DCHS2: variants seen among roughly 807,000 people sequenced by gnomAD.
The protein encoded by DCHS2 is dachsous cadherin-related 2, also known as protocadherin-23.
DCHS2 carries 142 observed loss-of-function variants against 182.4 expected under a neutral mutation model. The ratio of observed to expected loss-of-function variants is 0.78; its 90% CI spans 0.68 to 0.89. The LOEUF is 0.89. Among genes scored for constraint, DCHS2 ranks in the 40% least tolerant of loss-of-function variants. DCHS2 has a pLI of 0.00. For missense variants in DCHS2, 4,319 were observed against 4,198.6 expected (o/e 1.03, Z -0.79); for synonymous variants, 1,740 against 1,663.3 (o/e 1.05, Z -1.12).
At chr4:154,385,194 A>G (rs1040857869) in intron 1 of DCHS2, among the ~76,000 whole-genome samples, 2 of 150,484 alleles carry the variant, frequency 1.3e-5, no homozygotes, top group Non-Finnish European at 2.9e-5. Flanking sequence ...TGTCCTTGCA[A>G]TAGTTTGCTG....
At chr4:154,323,160 C>T (rs1343850919) in intron 7 of DCHS2, 1 of 1,518,010 alleles carries the variant, frequency 6.6e-7, no homozygotes, top group African/African-American at 1.4e-5. Context: ...TGTTGCATCT[C>T]CAACGTGTAG....
intron 1 of DCHS2, among the ~76,000 whole-genome samples, chr4:154,454,179 C>G (rs1354495472): frequency 6.6e-6 from 1 of 152,058 alleles, no homozygotes; most frequent in Admixed American, 6.6e-5. Flanking sequence ...TATCGATGTA[C>G]TCAGCATAAC....
intron 2 of DCHS2, among the ~76,000 whole-genome samples, chr4:154,367,327 G>A (rs553867501): frequency 9.9e-5 from 15 of 152,262 alleles, no homozygotes; most frequent in African/African-American, 3.4e-4. Context: ...GCAGGAGGAG[G>A]CTCTTTGAAT....
intron 18 of DCHS2, among the ~76,000 whole-genome samples, chr4:154,239,508 G>T (rs1731700070): frequency 6.6e-6 from 1 of 152,076 alleles, no homozygotes; most frequent in Admixed American, 6.6e-5. Flanking sequence ...AAAAGGTGTT[G>T]TTTTGTTTTG....
chr4:154,443,860 A>G (rs1734138857), intron 1 of DCHS2, among the ~76,000 whole-genome samples: 1 of 152,198 alleles, frequency 6.6e-6, no homozygotes, highest in Non-Finnish European at 1.5e-5. Flanking sequence ...ATTCCACTCC[A>G]TTAAAACTGC....
chr4:154,242,046 A>G (rs1305607017), intron 17 of DCHS2, among the ~76,000 whole-genome samples: 1 of 152,172 alleles, frequency 6.6e-6, no homozygotes, highest in Admixed American at 6.6e-5. Flanking sequence ...TGTTTCCCCA[A>G]CGCAGCCATT....
chr4:154,254,283 G>C (rs1010825957), intron 16 of DCHS2, among the ~76,000 whole-genome samples: 1 of 152,076 alleles, frequency 6.6e-6, no homozygotes, highest in Non-Finnish European at 1.5e-5. Context: ...TAAGGTGAAC[G>C]GTTTCTTATA....
chr4:154,288,223 G>A (rs753711547), intron 13 of DCHS2, among the ~76,000 whole-genome samples: 1 of 151,868 alleles, frequency 6.6e-6, no homozygotes, highest in Non-Finnish European at 1.5e-5. Flanking sequence ...AAAATAAAGA[G>A]CTGGAAAAAG....
chr4:154,238,837 C>A (rs769440071), intron 19 of DCHS2, among the ~76,000 whole-genome samples: 21 of 152,234 alleles, frequency 1.4e-4, no homozygotes, highest in Non-Finnish European at 2.5e-4. Flanking sequence ...CATTTTGATT[C>A]TTGCTGAATC....
In DCHS2 at chr4:154,240,590, G is replaced by A. The variant is rs199864808; in HGVS notation, c.7306C>T (p.Arg2436Cys). 1.7e-5 allele frequency: 27 copies of A among 1,613,546 alleles called. No homozygotes were observed. The highest frequency in any genetic ancestry group is 6.7e-5 in the East Asian group (3 of 44,820). ...GGATTATCATTGACATCCAGCACAC[G>A]GACTACAAGTGCTCCCTCTGTGTAG... ...VHYTEGALVV[R>C]VLDVNDNPPV... Residue 2436 changes from arginine (R) to cysteine (C), a missense_variant, in exon 18 of 20, where the codon CGT becomes TGT. Arg to Cys is a radical substitution (Grantham distance 180, BLOSUM62 -3). Coordinates refer to ENST00000357232, the MANE Select transcript of DCHS2 (RefSeq NM_001358235.2).
intron 3 of DCHS2, among the ~76,000 whole-genome samples, chr4:154,356,235 T>A (rs1561064515): frequency 1.3e-5 from 2 of 152,062 alleles, no homozygotes; most frequent in Non-Finnish European, 2.9e-5. Context: ...TAAAAAAAAT[T>A]AAAAACAAAG....
intron 8 of DCHS2, 84 bp downstream of exon 8, chr4:154,322,247 C>T: frequency 6.7e-7 from 1 of 1,493,456 alleles, no homozygotes; most frequent in Non-Finnish European, 9.2e-7. Context: ...ATACATATTA[C>T]ATGTATCTTC....
chr4:154,333,387 C>T lies in DCHS2; in HGVS notation c.2821G>A (p.Glu941Lys), dbSNP rs777344874. 3 of 1,614,096 alleles carry T rather than the reference C, an allele frequency of 1.9e-6. No homozygotes were observed. Among genetic ancestry groups the T allele is most frequent in the Non-Finnish European group, 2.5e-6 (3 of 1,180,026 alleles). Residue 941 changes from glutamate (E) to lysine (K), a missense_variant, in exon 5 of 20, where the codon GAG (glutamate) becomes AAG (lysine). By Grantham distance (56) the Glu-to-Lys change is moderately conservative. Transcript: ENST00000357232. ...TIRTRKPLDH[E>K]TQPVVVLTVQ... ...GTGAGCACAACCACGGGCTGCGTCT[C>T]GTGATCCAGGGGCTTCCGGGTGCGA...
intron 13 of DCHS2, among the ~76,000 whole-genome samples, chr4:154,288,104 A>G (rs1019381490): frequency 5.3e-5 from 8 of 152,120 alleles, no homozygotes; most frequent in Non-Finnish European, 8.8e-5. Flanking sequence ...TAACTGGACT[A>G]AACTCCCCAA....
intron 7 of DCHS2, among the ~76,000 whole-genome samples, chr4:154,325,316 C>CATGTGTGTGT (rs555546818): frequency 1.2e-3 from 173 of 142,764 alleles, no homozygotes; most frequent in African/African-American, 4.2e-3. Context: ...GGATTATAGC[C>CATGTGTGTGT]GTGTGTGTGT....
intron 3 of DCHS2, among the ~76,000 whole-genome samples, chr4:154,352,908 G>A (rs1644557764): frequency 1.3e-5 from 2 of 152,150 alleles, no homozygotes; most frequent in South Asian, 4.1e-4. Context: ...GCAGACTGGG[G>A]ATGGAGAATC....
intron 12 of DCHS2, among the ~76,000 whole-genome samples, chr4:154,301,979 TAAC>T (rs1256642666): frequency 1.3e-5 from 2 of 152,194 alleles, no homozygotes; most frequent in African/African-American, 2.4e-5. Context: ...ATCATAATAA[TAAC>T]AATCTAATAT....
At position 154,234,792 on chromosome 4, in the gene DCHS2, G is replaced by A. The variant is rs1218721301; in HGVS notation, c.9860C>T (p.Pro3287Leu). The change falls in exon 20 of 20, where the codon CCT becomes CTT. Residue 3287 changes from proline to leucine, a missense_variant. Physicochemically the swap from Pro to Leu is moderately conservative, Grantham distance 98 (BLOSUM62 -3). Coordinates refer to ENST00000357232, the MANE Select transcript of DCHS2 (RefSeq NM_001358235.2). ...PPPLITAVAQ[P>L]GIKAVPPRMP... Reference sequence around the variant, plus strand: ...TCTTGGTGGGACTGCTTTAATCCCAGGCTGGGCTACTGCTGTTATCAAAGG... The same window carrying A: ...TCTTGGTGGGACTGCTTTAATCCCAAGCTGGGCTACTGCTGTTATCAAAGG... The A allele has an allele frequency of 1.2e-6, 2 of 1,613,964 alleles. No homozygotes were observed. The highest frequency in any genetic ancestry group is 8.5e-7 in the Non-Finnish European group (1 of 1,179,902).
chr4:154,264,410 A>C (rs1168594756), intron 14 of DCHS2, among the ~76,000 whole-genome samples: 1 of 152,198 alleles, frequency 6.6e-6, no homozygotes, highest in African/African-American at 2.4e-5. Context: ...AAAGACAAAG[A>C]GTTGAAAAAA....
Sources: allele counts gnomAD v4.1 joint callset (sites outside exome capture counted in the v4.1 genomes callset), GRCh38; gene constraint gnomAD v4.1.1; transcripts MANE v1.5; gene names NCBI Gene and HGNC (gene_info 2026-07-23, HGNC 2026-07-21).